Variants in PCDHGA3 observed in about 807,000 individuals in gnomAD.
PCDHGA3 encodes protocadherin gamma subfamily A, 3.
Under a neutral mutation model 58.5 loss-of-function variants are expected in PCDHGA3, and 40 were observed. The ratio of observed to expected loss-of-function variants is 0.68; its 90% confidence interval spans 0.53 to 0.89. The LOEUF (loss-of-function observed/expected upper bound fraction) is 0.89, where lower values mean the gene tolerates loss of function less well. Among genes scored for constraint, PCDHGA3 ranks in the 40% least tolerant of loss-of-function variants. PCDHGA3 has a pLI of 0.00. For synonymous variants in PCDHGA3, 530 were observed against 525.7 expected, an observed-to-expected ratio of 1.01 and a Z score of -0.11; for missense variants, 1,223 against 1,195.9, an observed-to-expected ratio of 1.02 and a Z score of -0.33.
intron 2 of PCDHGA3, among the ~76,000 whole-genome samples, chr5:141,502,828 G>T (rs928458403): frequency 6.6e-6 from 1 of 150,704 alleles, no homozygotes; most frequent in Non-Finnish European, 1.5e-5. Context: ...CCTTGGGGAA[G>T]CCTGGACTGG....
At chr5:141,392,867 G>C in intron 1 of PCDHGA3, 6 of 1,612,942 alleles carry the variant, frequency 3.7e-6, no homozygotes, top group Non-Finnish European at 5.1e-6. Flanking sequence ...TGCTGTGCGC[G>C]CTGCTGGGAA....
chr5:141,438,347 C>T (rs150878327), intron 1 of PCDHGA3, among the ~76,000 whole-genome samples: 7 of 151,730 alleles, frequency 4.6e-5, no homozygotes, highest in Non-Finnish European at 2.9e-5. Flanking sequence ...TAAGGATCTA[C>T]TCTGTGTATT....
intron 1 of PCDHGA3, among the ~76,000 whole-genome samples, chr5:141,435,303 A>G (rs2097757060): frequency 6.6e-6 from 1 of 152,192 alleles, no homozygotes; most frequent in Admixed American, 6.5e-5. Flanking sequence ...TCATGGTTTT[A>G]AATCATTCAT....
chr5:141,463,874 G>T (rs1311566242), intron 1 of PCDHGA3, among the ~76,000 whole-genome samples: 1 of 152,136 alleles, frequency 6.6e-6, no homozygotes, highest in Non-Finnish European at 1.5e-5. Flanking sequence ...TGACTGAAAG[G>T]AAAAGTTTTC....
At chr5:141,475,448 G>A (rs774710049) in intron 1 of PCDHGA3, among the ~76,000 whole-genome samples, 1 of 152,214 alleles carries the variant, frequency 6.6e-6, no homozygotes, top group Non-Finnish European at 1.5e-5. Flanking sequence ...CAGATAATGA[G>A]GAAGTGACAG....
intron 1 of PCDHGA3, chr5:141,478,509 G>A: frequency 1.2e-6 from 2 of 1,611,878 alleles, no homozygotes; most frequent in South Asian, 1.1e-5. Flanking sequence ...GTGTTCTATA[G>A]GCAGGTGTTG....
intron 1 of PCDHGA3, chr5:141,372,458 A>G (rs778949462): frequency 3.7e-6 from 6 of 1,614,044 alleles, no homozygotes; most frequent in South Asian, 2.2e-5. Context: ...AGGCGGAGCT[A>G]CAGTTTCACC....
At chr5:141,357,162 C>T (rs769060536) in intron 1 of PCDHGA3, 39 of 1,613,662 alleles carry the variant, frequency 2.4e-5, no homozygotes, top group Admixed American at 2.3e-4. Flanking sequence ...AGCCCCCTCT[C>T]TCGGCCACCG....
At chr5:141,458,774 A>G (rs2154566349) in intron 1 of PCDHGA3, among the ~76,000 whole-genome samples, 1 of 151,812 alleles carries the variant, frequency 6.6e-6, no homozygotes, top group Admixed American at 6.6e-5. Flanking sequence ...GCTGTGTCAC[A>G]CAGGCTGGAG....
In PCDHGA3 at chr5:141,438,621, TATATATATATATATACACAC is replaced by T. The variant is rs1185208192; in HGVS notation, c.2425-56184_2425-56165del. Among the ~76,000 whole-genome samples, 212 of 41,372 alleles carry T rather than the reference TATATATATATATATACACAC, an allele frequency of 5.1e-3. 1 individual carries two copies. The highest frequency in any genetic ancestry group is 0.03 in the African/African-American group (177 of 5,808). 27.1% of individuals were successfully genotyped at this position (41,372 alleles called of 152,430 possible). On this transcript the variant is annotated intron_variant, in intron 1 of 3. Transcript: ENST00000253812. ...ATATATATATATATATATATATATA[TATATATATATATATACACAC>T]ACACACACACATATATGTATATATA...
chr5:141,399,603 A>G, intron 1 of PCDHGA3: 1 of 1,613,950 alleles, frequency 6.2e-7, no homozygotes, highest in Non-Finnish European at 8.5e-7. Flanking sequence ...CCAGCGACCT[A>G]GAGCCTCTGG....
Position 141,375,274 on chromosome 5 carries a change from A to C in PCDHGA3, c.2424+28817A>C, listed in dbSNP as rs773661979. On this transcript the variant is annotated intron_variant, in intron 1 of 3. Transcript: ENST00000253812. ...GTCTCCCATTTGAATTGGAAAAATC[A>C]GTTGGCAATTATTATCGATTAGTGA... 9 of 1,613,898 alleles carry C rather than the reference A, an allele frequency of 5.6e-6. No individual in the cohort carries two copies. In the East Asian group the frequency reaches 2.0e-4, roughly 36 times the overall value.
chr5:141,356,951 C>G (rs754711250), intron 1 of PCDHGA3: 1 of 1,614,230 alleles, frequency 6.2e-7, no homozygotes, highest in Non-Finnish European at 8.5e-7. Context: ...TCCGCAGATT[C>G]CGGCTACCTG....
Position 141,487,333 on chromosome 5 carries a change from C to T in PCDHGA3, c.2425-7474C>T. 6.2e-7 allele frequency: 1 copy of T among 1,614,176 alleles called. No homozygotes were observed. The highest frequency in any genetic ancestry group is 8.5e-7 in the Non-Finnish European group (1 of 1,180,022). On this transcript the variant is annotated intron_variant, in intron 1 of 3. Transcript: ENST00000253812. The surrounding 1 kb of genome is among the most constrained non-coding windows in gnomAD (Gnocchi z 5.0). ...TCTCTAAGTGTCTTCGTGGGGCAGC[C>T]TGTGGAGTCACATGCTTTCCTGCTG...
chr5:141,489,625 A>G lies in PCDHGA3; in HGVS notation c.2425-5182A>G. ...GGTAGAGATCCTGGATCTCAATGAC[A>G]ACTCTCCTAGCTTTGCCACCCCTGA... On this transcript the variant is annotated intron_variant, in intron 1 of 3. Transcript: ENST00000253812. The surrounding 1 kb of genome is among the most constrained non-coding windows in gnomAD (Gnocchi z 4.5). 6.2e-7 allele frequency: 1 copy of G among 1,614,076 alleles called. No homozygotes were observed. The highest frequency in any genetic ancestry group is 8.5e-7 in the Non-Finnish European group (1 of 1,180,006).
chr5:141,465,257 T>C (rs968727090), intron 1 of PCDHGA3, among the ~76,000 whole-genome samples: 19 of 152,310 alleles, frequency 1.2e-4, no homozygotes, highest in Admixed American at 1.2e-3. Flanking sequence ...TTGTAAGCAA[T>C]GATACTAGCC....
At position 141,355,356 on chromosome 5, in the gene PCDHGA3, G is replaced by A. The variant is rs1206306713; in HGVS notation, c.2424+8899G>A. On this transcript the variant is annotated intron_variant, in intron 1 of 3. Transcript: ENST00000253812. The stretch of plus-strand genomic sequence containing the variant: ...TGGTGGGCAACATCGCCAAGGACCT[G>A]GGGTTGGCGCCCCGGGAGCTGGCGG... 7 of 1,614,044 alleles carry A rather than the reference G, an allele frequency of 4.3e-6. No individual in the cohort carries two copies. In the East Asian group the frequency reaches 1.1e-4, roughly 26 times the overall value.
At chr5:141,425,379 G>A (rs1330938768) in intron 1 of PCDHGA3, among the ~76,000 whole-genome samples, 7 of 152,152 alleles carry the variant, frequency 4.6e-5, no homozygotes, top group African/African-American at 4.8e-5. Context: ...ATGTTGATTC[G>A]GAGGTAGTGA....
In PCDHGA3 at chr5:141,432,808, C is replaced by G. The variant is rs1473886709; in HGVS notation, c.2425-61999C>G. ...TCGGCAGCCTCGAGTCTCCAGCTAA[C>G]TCTGAAACCTCAGACCTCACTCTGT... is the stretch of plus-strand genomic sequence containing the variant. On this transcript the variant is annotated intron_variant, in intron 1 of 3. Coordinates refer to ENST00000253812, the MANE Select transcript of PCDHGA3 (RefSeq NM_018916.4). This position sits in a 1 kb window ranked among gnomAD's most constrained non-coding sequence, Gnocchi z 6.0. 2 of 1,613,486 alleles carry G rather than the reference C, an allele frequency of 1.2e-6. No individual in the cohort carries two copies. Among genetic ancestry groups the G allele is most frequent in the Non-Finnish European group, 1.7e-6 (2 of 1,180,008 alleles).
Sources: gnomAD v4.1 joint callset for allele counts (sites outside exome capture counted in the v4.1 genomes callset) on GRCh38, gnomAD v4.1.1 for gene constraint, Gnocchi (gnomAD v3.1) non-coding constraint, MANE v1.5 for transcripts, NCBI Gene and HGNC (gene_info 2026-07-23, HGNC 2026-07-21) for gene names.